The following PVT1 variants were observed in gnomAD, a reference collection of about 807,000 sequenced individuals.
The protein encoded by PVT1 is CXCR4/PVT1 fusion.
intron 2 of PVT1, among the ~76,000 whole-genome samples, chr8:127,822,552 G>A (rs1468709815): frequency 6.6e-6 from 1 of 152,174 alleles, no homozygotes; most frequent in Non-Finnish European, 1.5e-5. Flanking sequence ...ACTCCAGCCT[G>A]GGCGACAGAG....
At chr8:127,894,401 C>G (rs973583987) in intron 3 of PVT1, among the ~76,000 whole-genome samples, 1 of 152,178 alleles carries the variant, frequency 6.6e-6, no homozygotes, top group Non-Finnish European at 1.5e-5. Context: ...GAATGTGTCT[C>G]CTCCTTATGC....
chr8:127,976,885 GAC>G (rs1816828053), intron 3 of PVT1, among the ~76,000 whole-genome samples: 1 of 152,056 alleles, frequency 6.6e-6, no homozygotes, highest in Non-Finnish European at 1.5e-5. Flanking sequence ...CCTTCAACCT[GAC>G]ACACAGCATC....
intron 6 of PVT1, among the ~76,000 whole-genome samples, chr8:128,100,127 A>T (rs867860026): frequency 8.1e-6 from 1 of 123,838 alleles, no homozygotes; most frequent in Non-Finnish European, 1.7e-5. Context: ...TCCTCCCTCC[A>T]TCCCTCCCTC....
intron 3 of PVT1, among the ~76,000 whole-genome samples, chr8:127,965,373 G>T (rs1373560022): frequency 6.6e-6 from 1 of 152,126 alleles, no homozygotes; most frequent in Non-Finnish European, 1.5e-5. Flanking sequence ...AGAGCCTCAG[G>T]CTCCCCCTAC....
exon 1 of PVT1, chr8:127,794,650 C>T (rs1335260379): frequency 6.5e-6 from 1 of 152,800 alleles, no homozygotes; most frequent in Non-Finnish European, 1.5e-5. Flanking sequence ...CCCCGGGACC[C>T]CCGGCACCTT....
At chr8:127,820,030 C>A (rs1469455704) in intron 2 of PVT1, among the ~76,000 whole-genome samples, 1 of 152,130 alleles carries the variant, frequency 6.6e-6, no homozygotes, top group Non-Finnish European at 1.5e-5. Context: ...GGAACTCTGC[C>A]TTTTGTAGAG....
At chr8:127,827,866 G>A (rs1002696640) in intron 2 of PVT1, among the ~76,000 whole-genome samples, 2 of 152,066 alleles carry the variant, frequency 1.3e-5, no homozygotes, top group Non-Finnish European at 2.9e-5. Context: ...ATTCTGGCCC[G>A]AAGCCCCTGT....
chr8:127,836,569 T>C (rs1238615242), intron 2 of PVT1, among the ~76,000 whole-genome samples: 2 of 152,194 alleles, frequency 1.3e-5, no homozygotes, highest in African/African-American at 4.8e-5. Flanking sequence ...AATGTCCTTG[T>C]TGGAGCTGGC....
chr8:128,003,313 C>T (rs563808597), intron 4 of PVT1, among the ~76,000 whole-genome samples: 5 of 150,554 alleles, frequency 3.3e-5, no homozygotes, highest in African/African-American at 1.2e-4. Flanking sequence ...CCTCCCCTCC[C>T]CTTCTGTCTC....
chr8:127,846,921 T>G (rs1815040871), intron 2 of PVT1, among the ~76,000 whole-genome samples: 1 of 149,998 alleles, frequency 6.7e-6, no homozygotes, highest in Non-Finnish European at 1.5e-5. Context: ...CCTCAGGTGA[T>G]CCGCCCACCT....
At chr8:127,921,854 G>GTTTTTTTTTTTTTTTTTTTTTTTT (rs71300279) in intron 3 of PVT1, among the ~76,000 whole-genome samples, 12 of 71,924 alleles carry the variant, frequency 1.7e-4, no homozygotes, top group African/African-American at 1.8e-4. Flanking sequence ...TTTGGTTCAT[G>GTTTTTTTTTTTTTTTTTTTTTTTT]TTTTTTTTTT....
intron 2 of PVT1, among the ~76,000 whole-genome samples, chr8:127,881,056 C>T (rs1349386042): frequency 1.3e-5 from 2 of 152,246 alleles, no homozygotes; most frequent in Non-Finnish European, 2.9e-5. Flanking sequence ...GCATCATGCC[C>T]ATGAAGGTGC....
chr8:127,917,185 T>C (rs544179202), intron 3 of PVT1, among the ~76,000 whole-genome samples: 2 of 152,270 alleles, frequency 1.3e-5, no homozygotes, highest in African/African-American at 4.8e-5. Context: ...CTGCCTGCGC[T>C]ACCATCTAAT....
At chr8:128,007,160 G>A (rs1019485062) in intron 4 of PVT1, among the ~76,000 whole-genome samples, 1 of 152,192 alleles carries the variant, frequency 6.6e-6, no homozygotes, top group Non-Finnish European at 1.5e-5. Flanking sequence ...TAACTGCAAC[G>A]CATGACTGCG....
At chr8:128,037,719 C>T (rs1411273221) in intron 4 of PVT1, among the ~76,000 whole-genome samples, 8 of 152,304 alleles carry the variant, frequency 5.3e-5, no homozygotes, top group African/African-American at 1.9e-4. Flanking sequence ...CAGGAGCACA[C>T]GAAGCTCAGT....
intron 6 of PVT1, among the ~76,000 whole-genome samples, chr8:128,098,298 A>C (rs968116813): frequency 3.9e-5 from 6 of 152,154 alleles, no homozygotes; most frequent in African/African-American, 1.4e-4. Context: ...GGCTTCAGAA[A>C]TCTCGGGAGA....
intron 5 of PVT1, among the ~76,000 whole-genome samples, chr8:128,095,107 G>T (rs1234649193): frequency 6.6e-6 from 1 of 152,166 alleles, no homozygotes; most frequent in Non-Finnish European, 1.5e-5. Context: ...GTTTGGCTTG[G>T]CTTAAGATAA....
At chr8:127,998,325 T>C (rs1332885468) in intron 4 of PVT1, 1 of 152,088 alleles carries the variant, frequency 6.6e-6, no homozygotes. Flanking sequence ...TCCTCTCTCC[T>C]ATTTATTTAT....
intron 2 of PVT1, among the ~76,000 whole-genome samples, chr8:127,871,609 A>C (rs1256567052): frequency 6.6e-6 from 1 of 152,052 alleles, no homozygotes. Context: ...TGTGAGGAGA[A>C]GAGATCAAGA....
Sources: gnomAD v4.1 joint callset for allele counts (sites outside exome capture counted in the v4.1 genomes callset) on GRCh38, gnomAD v4.1.1 for gene constraint, MANE v1.5 for transcripts, NCBI Gene and HGNC (gene_info 2026-07-23, HGNC 2026-07-21) for gene names.